The following PTK2 variants were observed in gnomAD, a reference collection of about 807,000 sequenced individuals.
The protein encoded by PTK2 is focal adhesion kinase 1.
Under a neutral mutation model 150.1 loss-of-function variants are expected in PTK2, and 45 were observed. That is an observed-to-expected ratio of 0.30 (90% confidence interval 0.24 to 0.38). PTK2 has a LOEUF of 0.38. Ranked by LOEUF, PTK2 falls within the 10% of genes least tolerant of loss-of-function variation. The probability of loss-of-function intolerance (pLI) is 1.00; values close to 1 mark genes in which losing one functional copy is unlikely to be tolerated. For missense variants in PTK2, 919 were observed against 1,307.3 expected (o/e 0.70, Z 4.58); for synonymous variants, 432 against 449.2 (o/e 0.96, Z 0.48).
chr8:140,712,680 T>C (rs1257280124), intron 23 of PTK2, among the ~76,000 whole-genome samples: 1 of 152,188 alleles, frequency 6.6e-6, no homozygotes, highest in Non-Finnish European at 1.5e-5. Context: ...GCTATAGAGA[T>C]CCTCCCAATG....
intron 2 of PTK2, among the ~76,000 whole-genome samples, chr8:140,916,356 T>C (rs1323840627): frequency 1.3e-5 from 2 of 152,230 alleles, no homozygotes; most frequent in Non-Finnish European, 2.9e-5. Flanking sequence ...ACTGGAAAGA[T>C]AGCCATAACC....
chr8:140,896,771 C>G (rs1186837855), intron 2 of PTK2, among the ~76,000 whole-genome samples: 27 of 139,244 alleles, frequency 1.9e-4, no homozygotes, highest in East Asian at 8.5e-4. Flanking sequence ...AGACGCCCCC[C>G]CTTCCCCCCA....
chr8:140,716,275 T>C (rs1257357855), intron 23 of PTK2, among the ~76,000 whole-genome samples: 1 of 152,212 alleles, frequency 6.6e-6, no homozygotes, highest in Non-Finnish European at 1.5e-5. Context: ...TACTGGACTA[T>C]TCTGCAGTAG....
At chr8:140,839,363 A>G (rs1319327660) in intron 7 of PTK2, among the ~76,000 whole-genome samples, 1 of 152,192 alleles carries the variant, frequency 6.6e-6, no homozygotes, top group East Asian at 1.9e-4. Flanking sequence ...CCAGCCTCTA[A>G]TCCAAGCCAC....
chr8:140,672,026 A>G, intron 29 of PTK2: 1 of 370,120 alleles, frequency 2.7e-6, no homozygotes, highest in South Asian at 2.1e-5. Flanking sequence ...TCCTAATTGT[A>G]TGTATTCATT....
chr8:140,675,457 T>C lies in PTK2; in HGVS notation c.2602+3A>G. On this transcript the variant is annotated splice_donor_region_variant and intron_variant, in intron 28 of 31. Coordinates refer to ENST00000522684, the Ensembl canonical transcript of PTK2. ...CTTTCCGCCCAATTCTTTTCTTCTT[T>C]ACCTGGTTTACCCACAGGCTGATAT... 1.2e-6 allele frequency: 2 copies of C among 1,612,664 alleles called. No individual in the cohort carries two copies. The highest frequency in any genetic ancestry group is 1.7e-6 in the Non-Finnish European group (2 of 1,178,700).
chr8:140,793,629 T>C (rs1339468700), intron 12 of PTK2, among the ~76,000 whole-genome samples: 1 of 152,182 alleles, frequency 6.6e-6, no homozygotes. Context: ...AGAACTAAGA[T>C]GCTAAGTTGG....
chr8:140,778,679 A>G (rs1429987787), intron 14 of PTK2, among the ~76,000 whole-genome samples: 1 of 152,228 alleles, frequency 6.6e-6, no homozygotes, highest in Non-Finnish European at 1.5e-5. Flanking sequence ...TGGCCAAGTG[A>G]GTTAAAACCA....
At chr8:140,919,745 CAA>C (rs1174750151) in intron 2 of PTK2, among the ~76,000 whole-genome samples, 2 of 152,010 alleles carry the variant, frequency 1.3e-5, no homozygotes, top group Admixed American at 1.3e-4. Context: ...CTTTAAAATC[CAA>C]GAGTGTAAAT....
chr8:140,802,188 G>A (rs745786251), intron 11 of PTK2, among the ~76,000 whole-genome samples: 3 of 151,962 alleles, frequency 2.0e-5, no homozygotes, highest in Non-Finnish European at 2.9e-5. Flanking sequence ...TGTGTGTTAC[G>A]GCCCCTGAAG....
chr8:140,710,580 A>G (rs2100036245), intron 23 of PTK2, among the ~76,000 whole-genome samples: 2 of 152,126 alleles, frequency 1.3e-5, no homozygotes, highest in South Asian at 4.1e-4. Flanking sequence ...CTGAGGAGTG[A>G]GAATAGCTTG....
rs200293914 is a variant in PTK2, at chr8:140,745,088, C to T, written c.1519-321G>A. Among the ~76,000 whole-genome samples the T allele has an allele frequency of 1.3e-4, 4 of 29,776 alleles. No homozygotes were observed. The African/African-American group carries it at 1.6e-3, about 12-fold the overall frequency. 19.5% of individuals were successfully genotyped at this position (29,776 alleles called of 152,430 possible). A position where few individuals can be genotyped will look rare whatever the true frequency, so the allele number is the denominator to read the frequency against. On this transcript the variant is annotated intron_variant, in intron 18 of 31. Transcript: ENST00000522684. ...ACAAATTATTGCTAAATAATAATAA[C>T]AACTGGAAGAAAAAAGATCTAGTTA...
In PTK2 at chr8:140,710,426, T is replaced by C. The variant is rs183409717; in HGVS notation, c.2143-4221A>G. On this transcript the variant is annotated intron_variant, in intron 23 of 31. Coordinates refer to ENST00000522684, the Ensembl canonical transcript of PTK2. The stretch of plus-strand genomic sequence containing the variant: ...GGCCGGGCGTGATGGTTCAAGACTT[T>C]GGGAGGCCGTGGTGGGCAGATCACC... Among the ~76,000 whole-genome samples, 629 of 151,634 alleles carry C rather than the reference T, an allele frequency of 4.1e-3. 6 individuals are homozygous for C. The highest frequency in any genetic ancestry group is 0.015 in the African/African-American group (606 of 41,328).
intron 24 of PTK2, 91 bp downstream of exon 27, chr8:140,706,028 A>T: frequency 9.7e-7 from 1 of 1,035,686 alleles, no homozygotes; most frequent in Non-Finnish European, 1.5e-6. Context: ...ACTCATAAGT[A>T]CATAAATAAA....
chr8:140,755,501 C>T (rs2100065139), intron 16 of PTK2, among the ~76,000 whole-genome samples: 2 of 152,302 alleles, frequency 1.3e-5, no homozygotes, highest in South Asian at 4.1e-4. Flanking sequence ...GTTCCTTCTG[C>T]CTAGAACAGG....
chr8:140,733,156 G>A (rs1172175256), intron 22 of PTK2, among the ~76,000 whole-genome samples: 5 of 152,282 alleles, frequency 3.3e-5, no homozygotes, highest in Non-Finnish European at 7.4e-5. Context: ...GTGGGGGGCA[G>A]GCACAAGGAG....
At chr8:140,821,722 C>T (rs1350941210) in intron 8 of PTK2, 1 of 152,120 alleles carries the variant, frequency 6.6e-6, no homozygotes, top group Non-Finnish European at 1.5e-5. Flanking sequence ...GTAAGCTGAC[C>T]AATAGTTGGT....
At chr8:140,894,627 A>G (rs893733238) in intron 2 of PTK2, among the ~76,000 whole-genome samples, 8 of 152,362 alleles carry the variant, frequency 5.3e-5, no homozygotes, top group African/African-American at 1.9e-4. Flanking sequence ...AAAAACCCAA[A>G]GTGCAAATCA....
intron 27 of PTK2, among the ~76,000 whole-genome samples, chr8:140,676,114 T>C (rs976658157): frequency 6.6e-6 from 1 of 152,150 alleles, no homozygotes; most frequent in South Asian, 2.1e-4. Flanking sequence ...CAGTGGCTCA[T>C]GCCTGTAATC....
Sources: allele counts gnomAD v4.1 joint callset (sites outside exome capture counted in the v4.1 genomes callset), GRCh38; gene constraint gnomAD v4.1.1; transcripts MANE v1.5; gene names NCBI Gene and HGNC (gene_info 2026-07-23, HGNC 2026-07-21).